The following ECPAS variants were observed in gnomAD, a reference collection of about 807,000 sequenced individuals.
ECPAS encodes the protein Ecm29 proteasome adaptor and scaffold.
A neutral mutation model predicts 255.1 loss-of-function variants in ECPAS; 70 were observed. That is an observed-to-expected ratio of 0.27 (90% confidence interval 0.23 to 0.33). The LOEUF (loss-of-function observed/expected upper bound fraction) is 0.33, where lower values mean the gene tolerates loss of function less well. Ranked by LOEUF, ECPAS falls within the 10% of genes least tolerant of loss-of-function variation. The pLI is 1.00. For missense variants in ECPAS, 1,817 were observed against 2,206.4 expected, an observed-to-expected ratio of 0.82 and a Z score of 3.54; for synonymous variants, 784 against 775.0, an observed-to-expected ratio of 1.01 and a Z score of -0.19.
intron 2 of ECPAS, among the ~76,000 whole-genome samples, chr9:111,466,413 C>G (rs1310054079): frequency 1.3e-5 from 2 of 151,952 alleles, no homozygotes; most frequent in African/African-American, 2.4e-5. Flanking sequence ...CCATTGCACT[C>G]CAGCCTGGGC....
chr9:111,433,943 C>T (rs761910536), intron 7 of ECPAS, among the ~76,000 whole-genome samples: 5 of 152,192 alleles, frequency 3.3e-5, no homozygotes, highest in Non-Finnish European at 7.3e-5. Flanking sequence ...AAACAGTTTT[C>T]AATTTAATTG....
intron 33 of ECPAS, among the ~76,000 whole-genome samples, chr9:111,384,799 A>T (rs1481538373): frequency 6.6e-6 from 1 of 152,220 alleles, no homozygotes; most frequent in East Asian, 1.9e-4. Context: ...TTTTGACCTT[A>T]AAAAATTTAG....
At chr9:111,409,219 A>G (rs562508071) in intron 23 of ECPAS, among the ~76,000 whole-genome samples, 87 of 152,326 alleles carry the variant, frequency 5.7e-4, no homozygotes, top group African/African-American at 1.9e-3. Context: ...ACTATACTGT[A>G]TATCTTCTCA....
At chr9:111,479,766 G>A (rs1245050185) in intron 1 of ECPAS, among the ~76,000 whole-genome samples, 1 of 152,056 alleles carries the variant, frequency 6.6e-6, no homozygotes, top group Non-Finnish European at 1.5e-5. Flanking sequence ...GGATCACGAG[G>A]TCAGGAGTTC....
intron 24 of ECPAS, among the ~76,000 whole-genome samples, chr9:111,402,625 G>C (rs1237280572): frequency 1.3e-5 from 2 of 152,074 alleles, no homozygotes; most frequent in Non-Finnish European, 2.9e-5. Context: ...TTTGTTGAAA[G>C]ACTGGCAATA....
At chr9:111,448,872 A>G (rs1358421606) in intron 3 of ECPAS, among the ~76,000 whole-genome samples, 2 of 152,238 alleles carry the variant, frequency 1.3e-5, no homozygotes, top group Admixed American at 1.3e-4. Flanking sequence ...TAACTATTAC[A>G]TATAACTAAA....
At chr9:111,454,601 C>T (rs1208084142) in intron 2 of ECPAS, among the ~76,000 whole-genome samples, 2 of 152,088 alleles carry the variant, frequency 1.3e-5, no homozygotes, top group Non-Finnish European at 2.9e-5. Flanking sequence ...ACTGTTACGT[C>T]ATCTTTACAG....
In ECPAS at chr9:111,361,189, T is replaced by TTTG. The variant is rs1281794795; in HGVS notation, c.*838_*840dup. On this transcript the variant is annotated 3_prime_UTR_variant, in exon 50 of 50. Coordinates refer to ENST00000684092, the MANE Select transcript of ECPAS (RefSeq NM_001364929.1). ...GGTCTAAACCACGGCAGTCTGCGAT[T>TTTG]TTGTTTCTGGTTTTGCAAAATATGC... 9 of 152,342 alleles carry TTTG rather than the reference T, an allele frequency of 5.9e-5. No individual in the cohort carries two copies. Among genetic ancestry groups the TTTG allele is most frequent in the Admixed American group, 5.2e-4 (8 of 15,302 alleles). The allele number at this position is 152,342 out of a possible 1,614,324, so 9.4% of individuals were successfully genotyped here.
chr9:111,382,511 G>A (rs1053729220), intron 35 of ECPAS, among the ~76,000 whole-genome samples: 4 of 151,502 alleles, frequency 2.6e-5, no homozygotes, highest in African/African-American at 7.3e-5. Flanking sequence ...CAAGTGATCC[G>A]CCCACCTCGG....
chr9:111,381,722 T>C (rs1055364371), intron 35 of ECPAS, among the ~76,000 whole-genome samples: 7 of 152,198 alleles, frequency 4.6e-5, no homozygotes, highest in African/African-American at 1.4e-4. Context: ...ATCATAATCA[T>C]AATACCATTT....
intron 15 of ECPAS, 45 bp downstream of exon 15, chr9:111,421,876 T>C (rs761797934): frequency 9.5e-6 from 15 of 1,582,568 alleles, no homozygotes; most frequent in Non-Finnish European, 1.3e-5. Context: ...TTCTTAAAAA[T>C]GTAAACCGTA....
chr9:111,414,052 T>C, intron 19 of ECPAS, 66 bp from the exon 20 acceptor site: 1 of 1,103,460 alleles, frequency 9.1e-7, no homozygotes, highest in Non-Finnish European at 1.3e-6. Context: ...GATCACTAAA[T>C]TCCTTTAAAG....
chr9:111,431,253 T>A (rs953319377), intron 8 of ECPAS, among the ~76,000 whole-genome samples: 2 of 152,066 alleles, frequency 1.3e-5, no homozygotes, highest in African/African-American at 4.8e-5. Flanking sequence ...TAAGGTGAAT[T>A]CAGATATAAG....
chr9:111,427,521 T>C (rs1243170286), intron 10 of ECPAS, among the ~76,000 whole-genome samples: 1 of 152,224 alleles, frequency 6.6e-6, no homozygotes, highest in Non-Finnish European at 1.5e-5. Flanking sequence ...TGTTCCTTAC[T>C]GGAAATGCTT....
rs3031129 is a variant in ECPAS at position 111,434,896 on chromosome 9, C to CTTTTTTTTT, written c.709-1533_709-1525dup. Among the ~76,000 whole-genome samples the CTTTTTTTTT allele has an allele frequency of 3.0e-4, 28 of 92,152 alleles. 3 individuals are homozygous for CTTTTTTTTT. Among genetic ancestry groups the CTTTTTTTTT allele is most frequent in the Admixed American group, 1.0e-3 (8 of 8,032 alleles). The allele number at this position is 92,152 out of a possible 152,430, so 60.5% of individuals were successfully genotyped here. A position where few individuals can be genotyped will look rare whatever the true frequency, so the allele number is the denominator to read the frequency against. ...TACAGGCATGAGCCACCACATCTGG[C>CTTTTTTTTT]TTTTTTTTTTTTTTTTTTTTTACAC... On this transcript the variant is annotated intron_variant, in intron 7 of 49. Transcript: ENST00000684092.
At chr9:111,392,985 T>C (rs2098162488) in intron 27 of ECPAS, 103 bp from the exon 28 acceptor site, 2 of 645,018 alleles carry the variant, frequency 3.1e-6, no homozygotes, top group Non-Finnish European at 5.5e-6. Flanking sequence ...CCCAAAATGA[T>C]ATCAAAGTAA....
chr9:111,368,194 G>A (rs973031747), intron 46 of ECPAS, among the ~76,000 whole-genome samples: 1 of 152,180 alleles, frequency 6.6e-6, no homozygotes, highest in Non-Finnish European at 1.5e-5. Flanking sequence ...TTAAGGCCCT[G>A]TCAGGGGACT....
rs879597865 is a variant in ECPAS at position 111,412,955 on chromosome 9, CA to C, written c.2080-808del. On this transcript the variant is annotated intron_variant, in intron 20 of 49. Coordinates refer to ENST00000684092, the MANE Select transcript of ECPAS (RefSeq NM_001364929.1). Reference sequence around the variant, plus strand: ...AAAACTGTATGGGCCAACACTTATACAAAAAAAAAAATTATTCATTATTTAT... The same window carrying C: ...AAAACTGTATGGGCCAACACTTATACAAAAAAAAAATTATTCATTATTTAT... Among the ~76,000 whole-genome samples the C allele has an allele frequency of 3.6e-3, 517 of 145,120 alleles. 7 individuals are homozygous for C. The highest frequency in any genetic ancestry group is 0.012 in the African/African-American group (471 of 39,844).
intron 32 of ECPAS, among the ~76,000 whole-genome samples, chr9:111,385,782 C>G (rs1015898108): frequency 2.6e-5 from 4 of 152,178 alleles, no homozygotes; most frequent in Non-Finnish European, 5.9e-5. Flanking sequence ...ACTATAAAGT[C>G]ATGACAATAC....
Sources: gnomAD v4.1 joint callset for allele counts (sites outside exome capture counted in the v4.1 genomes callset) on GRCh38, gnomAD v4.1.1 for gene constraint, MANE v1.5 for transcripts, NCBI Gene and HGNC (gene_info 2026-07-23, HGNC 2026-07-21) for gene names.